Variants in RBBP5 observed in about 807,000 individuals in gnomAD.
RBBP5 encodes retinoblastoma-binding protein 5.
Under a neutral mutation model 72.2 loss-of-function variants are expected in RBBP5, and 5 were observed. The ratio of observed to expected loss-of-function variants is 0.07; its 90% CI spans 0.04 to 0.15. The LOEUF is 0.15. Among genes scored for constraint, RBBP5 ranks in the 10% least tolerant of loss-of-function variants. The probability of loss-of-function intolerance (pLI) is 1.00; values close to 1 mark genes in which losing one functional copy is unlikely to be tolerated. For missense variants in RBBP5, 322 were observed against 652.2 expected, an observed-to-expected ratio of 0.49 and a Z score of 5.51; for synonymous variants, 209 against 237.2, an observed-to-expected ratio of 0.88 and a Z score of 1.09.
At chr1:205,115,962 A>C (rs186268208) in intron 1 of RBBP5, 79 bp from the exon 2 acceptor site, 152 of 1,613,016 alleles carry the variant, frequency 9.4e-5, no homozygotes, top group Non-Finnish European at 2.5e-6. Context: ...AGTGTATAGC[A>C]GTGGCTGACA....
chr1:205,103,223 CAAAAAAAA>C (rs35295093), intron 5 of RBBP5, among the ~76,000 whole-genome samples: 3 of 91,402 alleles, frequency 3.3e-5, no homozygotes, highest in Non-Finnish European at 6.3e-5. Flanking sequence ...GACTCCATCT[CAAAAAAAA>C]AAAAAAAAAA....
chr1:205,107,949 A>G (rs1298267867), intron 3 of RBBP5, among the ~76,000 whole-genome samples: 1 of 150,138 alleles, frequency 6.7e-6, no homozygotes, highest in African/African-American at 2.5e-5. Flanking sequence ...TCTGTCTCAA[A>G]AAAAAAAAAA....
At chr1:205,106,186 A>C (rs1000512635) in intron 3 of RBBP5, among the ~76,000 whole-genome samples, 1 of 152,232 alleles carries the variant, frequency 6.6e-6, no homozygotes, top group Non-Finnish European at 1.5e-5. Flanking sequence ...ACCCAGCAGT[A>C]ATGAGGCCAA....
Position 205,088,583 on chromosome 1 carries a change from C to T in RBBP5, c.*204G>A. ...CTTCATTCCTGAGAGTCTATTTGGA[C>T]TTATGCTTGAAAGGGAAGGGAAGGT... On this transcript the variant is annotated 3_prime_UTR_variant, in exon 14 of 14. Coordinates refer to ENST00000264515, the MANE Select transcript of RBBP5 (RefSeq NM_005057.4). 1.9e-6 allele frequency: 1 copy of T among 538,608 alleles called. No individual in the cohort carries two copies. Among genetic ancestry groups the T allele is most frequent in the South Asian group, 2.6e-5 (1 of 38,716 alleles). The allele number at this position is 538,608 out of a possible 1,614,324, so 33.4% of individuals were successfully genotyped here.
At position 205,096,672 on chromosome 1, in the gene RBBP5, T is replaced by C. The variant is rs1251424317; in HGVS notation, c.1396+10A>G. 3.1e-6 allele frequency: 5 copies of C among 1,611,904 alleles called. No individual in the cohort carries two copies. The African/African-American group carries it at 6.7e-5, about 22-fold the overall frequency. ...TCTGCCAGGCCAGAGGGAGAAGATG[T>C]AGCTCTTACCATCATTTGGTACTCC... On this transcript the variant is annotated intron_variant, in intron 12 of 13. Transcript: ENST00000264515.
At chr1:205,113,277 G>T (rs1002516674) in intron 3 of RBBP5, among the ~76,000 whole-genome samples, 1 of 149,082 alleles carries the variant, frequency 6.7e-6, no homozygotes, top group Non-Finnish European at 1.5e-5. Context: ...TTTTTAATAG[G>T]TAAGAGTTCT....
At chr1:205,120,317 C>T (rs1441434586) in intron 1 of RBBP5, among the ~76,000 whole-genome samples, 1 of 152,150 alleles carries the variant, frequency 6.6e-6, no homozygotes, top group African/African-American at 2.4e-5. Flanking sequence ...ACCCTACCTT[C>T]CCTAAAAAGC....
chr1:205,121,875 C>G lies in RBBP5; in HGVS notation c.-2G>C, dbSNP rs137894641. ...CTCACCCAGCAACTCGAGGTTCATC[C>G]CTGCGGACTGTGGCCGCCCGGTCTC... On this transcript the variant is annotated 5_prime_UTR_variant, in exon 1 of 14. Transcript: ENST00000264515. 9.4e-4 allele frequency: 1,519 copies of G among 1,611,492 alleles called. 7 individuals are homozygous for G. The highest frequency in any genetic ancestry group is 7.4e-4 in the Non-Finnish European group (870 of 1,179,996).
At chr1:205,097,442 G>A in intron 10 of RBBP5, 47 bp from the exon 11 acceptor site, 1 of 1,522,336 alleles carries the variant, frequency 6.6e-7, no homozygotes, top group Non-Finnish European at 8.9e-7. Context: ...GTGAAAAACT[G>A]CTTTTTATTT....
chr1:205,089,983 C>T (rs989397283), intron 13 of RBBP5, among the ~76,000 whole-genome samples: 2 of 152,108 alleles, frequency 1.3e-5, no homozygotes, highest in Non-Finnish European at 2.9e-5. Context: ...TCCTAAGTAG[C>T]TGGGATTATA....
At chr1:205,090,808 C>A (rs772213905) in intron 13 of RBBP5, among the ~76,000 whole-genome samples, 1 of 151,334 alleles carries the variant, frequency 6.6e-6, no homozygotes, top group Non-Finnish European at 1.5e-5. Flanking sequence ...GTGAGAAAGA[C>A]TACCTTGATT....
chr1:205,092,756 G>A (rs1367642163), intron 13 of RBBP5, among the ~76,000 whole-genome samples: 1 of 149,302 alleles, frequency 6.7e-6, no homozygotes, highest in Non-Finnish European at 1.5e-5. Flanking sequence ...TTGTTTGATT[G>A]GCTTTTACAT....
intron 13 of RBBP5, among the ~76,000 whole-genome samples, chr1:205,093,791 T>C (rs925645244): frequency 6.6e-6 from 1 of 152,060 alleles, no homozygotes; most frequent in Non-Finnish European, 1.5e-5. Flanking sequence ...AGAGAATTCA[T>C]GTTTACAGAC....
At chr1:205,090,671 A>C (rs960429999) in intron 13 of RBBP5, among the ~76,000 whole-genome samples, 3 of 152,224 alleles carry the variant, frequency 2.0e-5, no homozygotes, top group African/African-American at 7.2e-5. Context: ...AACAGGTAGG[A>C]AAATTCAGCT....
chr1:205,088,720 G>T lies in RBBP5; in HGVS notation c.*67C>A. ...TTTAAATTAAAGTCAATTTTCAAAT[G>T]ACTGACCACAGTGTCCAGAGGCCAC... On this transcript the variant is annotated 3_prime_UTR_variant, in exon 14 of 14. Transcript: ENST00000264515. 1.3e-6 allele frequency: 2 copies of T among 1,491,768 alleles called. No individual in the cohort carries two copies. Among genetic ancestry groups the T allele is most frequent in the South Asian group, 2.4e-5 (2 of 83,798 alleles). The allele number at this position is 1,491,768 out of a possible 1,614,324, so 92.4% of individuals were successfully genotyped here. A position where few individuals can be genotyped will look rare whatever the true frequency, so the allele number is the denominator to read the frequency against.
chr1:205,115,044 G>T, intron 2 of RBBP5, 83 bp from the exon 3 acceptor site: 4 of 1,257,296 alleles, frequency 3.2e-6, no homozygotes, highest in Non-Finnish European at 4.5e-6. Context: ...TATCACTTGT[G>T]ATACTTTTAT....
rs1655193768 is a variant in RBBP5, at chr1:205,087,807, T to TATAG, written c.*976_*979dup. The TATAG allele has an allele frequency of 6.6e-6, 1 of 152,488 alleles. No individual in the cohort carries two copies. The highest frequency in any genetic ancestry group is 2.4e-5 in the African/African-American group (1 of 41,406). The allele number at this position is 152,488 out of a possible 1,614,324, so 9.4% of individuals were successfully genotyped here. On this transcript the variant is annotated 3_prime_UTR_variant, in exon 14 of 14. Coordinates refer to ENST00000264515, the MANE Select transcript of RBBP5 (RefSeq NM_005057.4). ...ACACAGTAAGAAAAAGGAGCACAGGTATAGGCAGGGAAAAATGCAATGACT... is the reference window on the plus strand; with the variant it reads ...ACACAGTAAGAAAAAGGAGCACAGGTATAGATAGGCAGGGAAAAATGCAATGACT...
chr1:205,089,321 G>GT (rs893563645), intron 13 of RBBP5, among the ~76,000 whole-genome samples: 2 of 152,184 alleles, frequency 1.3e-5, no homozygotes, highest in African/African-American at 4.8e-5. Context: ...TGAAATGTTC[G>GT]TGAGAGCTAC....
At chr1:205,091,113 C>T (rs1180080834) in intron 13 of RBBP5, 1 of 152,376 alleles carries the variant, frequency 6.6e-6, no homozygotes, top group Non-Finnish European at 1.5e-5. Flanking sequence ...CTCCAACAGA[C>T]CCAGGTGTGC....
Sources: allele counts gnomAD v4.1 joint callset (sites outside exome capture counted in the v4.1 genomes callset), GRCh38; gene constraint gnomAD v4.1.1; transcripts MANE v1.5; gene names NCBI Gene and HGNC (gene_info 2026-07-23, HGNC 2026-07-21).